The following ANGPT1 variants were observed in gnomAD, a reference collection of about 807,000 sequenced individuals.
The protein encoded by ANGPT1 is angiopoietin 1.
In ANGPT1, 17 loss-of-function variants were observed where a neutral mutation model predicts 62.2. The ratio of observed to expected loss-of-function variants is 0.27; its 90% CI spans 0.19 to 0.41. The LOEUF (loss-of-function observed/expected upper bound fraction) is 0.41, where lower values mean the gene tolerates loss of function less well. Ranked by LOEUF, ANGPT1 falls within the 10% of genes least tolerant of loss-of-function variation. ANGPT1 has a pLI of 1.00. For synonymous variants in ANGPT1, 199 were observed against 198.9 expected, an observed-to-expected ratio of 1.00 and a Z score of 0.00; for missense variants, 478 against 594.9, an observed-to-expected ratio of 0.80 and a Z score of 2.04.
At chr8:107,349,233 C>A (rs900809424) in intron 1 of ANGPT1, among the ~76,000 whole-genome samples, 1 of 152,062 alleles carries the variant, frequency 6.6e-6, no homozygotes, top group Non-Finnish European at 1.5e-5. Context: ...CTTTTGAGCA[C>A]CTGGACCTAG....
intron 2 of ANGPT1, among the ~76,000 whole-genome samples, chr8:107,336,699 C>G (rs1260001265): frequency 2.8e-5 from 4 of 143,686 alleles, no homozygotes; most frequent in African/African-American, 1.0e-4. Context: ...GGTTTACATT[C>G]TACTTATATT....
At chr8:107,389,635 A>G (rs1294500405) in intron 1 of ANGPT1, among the ~76,000 whole-genome samples, 2 of 152,172 alleles carry the variant, frequency 1.3e-5, no homozygotes, top group African/African-American at 4.8e-5. Flanking sequence ...GCTTACAGTA[A>G]GGCCAAACAG....
intron 8 of ANGPT1, among the ~76,000 whole-genome samples, chr8:107,252,963 T>C (rs909674943): frequency 1.3e-5 from 2 of 152,192 alleles, no homozygotes; most frequent in Admixed American, 6.5e-5. Context: ...AAGGGACTAA[T>C]AGCTAAAGAA....
At chr8:107,339,969 A>G (rs1216961442) in intron 2 of ANGPT1, among the ~76,000 whole-genome samples, 3 of 152,194 alleles carry the variant, frequency 2.0e-5, no homozygotes, top group Non-Finnish European at 2.9e-5. Flanking sequence ...ACAAATGCCA[A>G]TCCCTCCTCT....
intron 6 of ANGPT1, 70 bp from the exon 7 acceptor site, chr8:107,284,918 T>G: frequency 8.5e-7 from 1 of 1,176,780 alleles, no homozygotes; most frequent in Non-Finnish European, 1.1e-6. Context: ...CATTTAACTA[T>G]TTTCTAAATA....
intron 1 of ANGPT1, among the ~76,000 whole-genome samples, chr8:107,425,795 G>A (rs1344137036): frequency 1.3e-5 from 2 of 152,148 alleles, no homozygotes; most frequent in Non-Finnish European, 2.9e-5. Context: ...TGGTTTCCAA[G>A]CTCTTGTCCA....
At chr8:107,474,524 C>G (rs1321729379) in intron 1 of ANGPT1, among the ~76,000 whole-genome samples, 1 of 152,156 alleles carries the variant, frequency 6.6e-6, no homozygotes, top group Admixed American at 6.5e-5. Context: ...AAAACTGGCA[C>G]AAGACAGGGA....
At chr8:107,397,297 A>C (rs541752243) in intron 1 of ANGPT1, among the ~76,000 whole-genome samples, 2 of 152,294 alleles carry the variant, frequency 1.3e-5, no homozygotes, top group South Asian at 4.1e-4. Flanking sequence ...GATACCTGAA[A>C]GCCCTAGGGC....
chr8:107,480,031 T>C (rs1167556602), intron 1 of ANGPT1, among the ~76,000 whole-genome samples: 7 of 152,158 alleles, frequency 4.6e-5, no homozygotes, highest in Non-Finnish European at 1.0e-4. Context: ...GACATTTTTA[T>C]CCATGTCATA....
intron 1 of ANGPT1, among the ~76,000 whole-genome samples, chr8:107,485,678 C>A (rs973744921): frequency 2.0e-5 from 3 of 152,146 alleles, no homozygotes; most frequent in Admixed American, 6.5e-5. Flanking sequence ...TTTTTCTTCT[C>A]ATTTTTACAA....
chr8:107,354,164 G>A lies in ANGPT1; in HGVS notation c.298-7067C>T, dbSNP rs557296843. ...AAAGTCATTCTCTCTTTGCATAAGC[G>A]AATGTCTCCTGTGCCAAAACACATT... On this transcript the variant is annotated intron_variant, in intron 1 of 8. Coordinates refer to ENST00000517746, the MANE Select transcript of ANGPT1 (RefSeq NM_001146.5). 3.5e-4 allele frequency among the ~76,000 whole-genome samples: 53 copies of A among 152,178 alleles called. 1 individual carries two copies. The highest frequency in any genetic ancestry group is 1.0e-3 in the Admixed American group (16 of 15,270).
chr8:107,350,225 T>C (rs919490450), intron 1 of ANGPT1, among the ~76,000 whole-genome samples: 1 of 152,322 alleles, frequency 6.6e-6, no homozygotes, highest in Non-Finnish European at 1.5e-5. Context: ...AACCATCAAA[T>C]TTACTTTGAA....
intron 3 of ANGPT1, among the ~76,000 whole-genome samples, chr8:107,333,853 T>A (rs1815482246): frequency 6.7e-6 from 1 of 148,698 alleles, no homozygotes; most frequent in Non-Finnish European, 1.5e-5. Flanking sequence ...AAAATCATGA[T>A]GGGAAGACAA....
At chr8:107,413,644 T>C (rs1810651608) in intron 1 of ANGPT1, among the ~76,000 whole-genome samples, 1 of 150,182 alleles carries the variant, frequency 6.7e-6, no homozygotes, top group African/African-American at 2.4e-5. Context: ...ATATTTAATG[T>C]TGAAATATTA....
At chr8:107,403,504 T>C (rs965625798) in intron 1 of ANGPT1, among the ~76,000 whole-genome samples, 8 of 152,052 alleles carry the variant, frequency 5.3e-5, no homozygotes, top group Non-Finnish European at 1.0e-4. Context: ...AATATCCGTA[T>C]AGTAGAATCT....
intron 1 of ANGPT1, among the ~76,000 whole-genome samples, chr8:107,378,822 C>G (rs977175406): frequency 1.3e-5 from 2 of 151,900 alleles, no homozygotes; most frequent in African/African-American, 2.4e-5. Context: ...GCCTCCCCAG[C>G]CATGTGGAAA....
intron 3 of ANGPT1, among the ~76,000 whole-genome samples, chr8:107,323,829 C>T (rs1316587802): frequency 1.3e-5 from 2 of 152,036 alleles, no homozygotes; most frequent in South Asian, 2.1e-4. Flanking sequence ...AGCACAGTGG[C>T]GTGATCTTGG....
At chr8:107,461,782 A>C (rs996232567) in intron 1 of ANGPT1, among the ~76,000 whole-genome samples, 2 of 152,176 alleles carry the variant, frequency 1.3e-5, no homozygotes, top group African/African-American at 2.4e-5. Flanking sequence ...TGAATGAATG[A>C]ATAACTATGT....
intron 1 of ANGPT1, among the ~76,000 whole-genome samples, chr8:107,431,333 C>A (rs1451305622): frequency 2.6e-5 from 4 of 152,026 alleles, no homozygotes; most frequent in Non-Finnish European, 5.9e-5. Flanking sequence ...TTGCCCATTA[C>A]AAATGACACA....
Sources: gnomAD v4.1 joint callset for allele counts (sites outside exome capture counted in the v4.1 genomes callset) on GRCh38, gnomAD v4.1.1 for gene constraint, MANE v1.5 for transcripts, NCBI Gene and HGNC (gene_info 2026-07-23, HGNC 2026-07-21) for gene names.